RABGAP1L: variants seen among roughly 807,000 people sequenced by gnomAD.
RABGAP1L encodes the protein rab GTPase-activating protein 1-like.
A neutral mutation model predicts 137.7 loss-of-function variants in RABGAP1L; 63 were observed. The observed-to-expected ratio is 0.46, with a 90% CI of 0.37 to 0.56. RABGAP1L has a LOEUF of 0.56. Among genes scored for constraint, RABGAP1L ranks in the 20% least tolerant of loss-of-function variants. The pLI is 0.00. For synonymous variants in RABGAP1L, 431 were observed against 433.7 expected (o/e 0.99, Z 0.08); for missense variants, 1,095 against 1,244.0 (o/e 0.88, Z 1.80).
chr1:174,179,310 T>C (rs1430208956), intron 1 of RABGAP1L, among the ~76,000 whole-genome samples: 1 of 152,214 alleles, frequency 6.6e-6, no homozygotes, highest in Non-Finnish European at 1.5e-5. Context: ...AACTATAGTT[T>C]GTCAGTTAGT....
chr1:174,614,454 G>A (rs893925838), intron 13 of RABGAP1L, among the ~76,000 whole-genome samples: 1 of 152,198 alleles, frequency 6.6e-6, no homozygotes, highest in African/African-American at 2.4e-5. Context: ...TCTGCTGTTA[G>A]ACTGATGGGC....
At chr1:174,532,482 C>G (rs1664507125) in intron 13 of RABGAP1L, among the ~76,000 whole-genome samples, 1 of 152,148 alleles carries the variant, frequency 6.6e-6, no homozygotes, top group African/African-American at 2.4e-5. Context: ...GCTGGGATTA[C>G]AGGCATGAGC....
intron 19 of RABGAP1L, among the ~76,000 whole-genome samples, chr1:174,913,577 A>C (rs1405136977): frequency 6.6e-6 from 1 of 152,188 alleles, no homozygotes; most frequent in Non-Finnish European, 1.5e-5. Context: ...TGTAACTTCT[A>C]TAGTAGAGAA....
At chr1:174,614,751 A>G (rs1671633289) in intron 13 of RABGAP1L, among the ~76,000 whole-genome samples, 1 of 152,128 alleles carries the variant, frequency 6.6e-6, no homozygotes, top group African/African-American at 2.4e-5. Flanking sequence ...ACATAGTCCC[A>G]TATTTCTTGG....
intron 14 of RABGAP1L, among the ~76,000 whole-genome samples, chr1:174,656,484 G>T (rs1370415763): frequency 2.0e-5 from 3 of 152,092 alleles, no homozygotes; most frequent in South Asian, 4.1e-4. Context: ...TAGAATAAAT[G>T]TACAATTCAT....
At chr1:174,714,841 C>A (rs990427443) in intron 17 of RABGAP1L, among the ~76,000 whole-genome samples, 6 of 152,108 alleles carry the variant, frequency 3.9e-5, no homozygotes, top group African/African-American at 1.4e-4. Flanking sequence ...CCTAAAAGAT[C>A]TCTAAGTATT....
At chr1:174,402,059 GGACTGCCCCTCAGTA>G (rs1648659291) in intron 13 of RABGAP1L, among the ~76,000 whole-genome samples, 1 of 152,126 alleles carries the variant, frequency 6.6e-6, no homozygotes, top group Non-Finnish European at 1.5e-5. Flanking sequence ...CTCAATGCTA[GGACTGCCCCTCAGTA>G]GATGCTAAAC....
intron 10 of RABGAP1L, among the ~76,000 whole-genome samples, chr1:174,300,816 A>G (rs1373743052): frequency 6.6e-6 from 1 of 152,150 alleles, no homozygotes. Flanking sequence ...CAGTGAGCCA[A>G]GGTGGCGCCA....
At chr1:174,805,464 G>C (rs920692839) in intron 18 of RABGAP1L, among the ~76,000 whole-genome samples, 2 of 152,160 alleles carry the variant, frequency 1.3e-5, no homozygotes, top group Non-Finnish European at 2.9e-5. Flanking sequence ...TTGTGTAGTA[G>C]AGCCACTAAT....
chr1:174,589,405 C>T (rs1035012901), intron 13 of RABGAP1L, among the ~76,000 whole-genome samples: 3 of 152,104 alleles, frequency 2.0e-5, no homozygotes, highest in Non-Finnish European at 2.9e-5. Flanking sequence ...TAGATTATCT[C>T]TTCACTTCGT....
intron 13 of RABGAP1L, among the ~76,000 whole-genome samples, chr1:174,418,610 CTA>C (rs1314395903): frequency 3.3e-5 from 5 of 152,250 alleles, no homozygotes; most frequent in African/African-American, 1.2e-4. Flanking sequence ...TTTAAGGATT[CTA>C]TGATGCTTCA....
chr1:174,164,925 C>T (rs1238101576), intron 1 of RABGAP1L, among the ~76,000 whole-genome samples: 2 of 152,190 alleles, frequency 1.3e-5, no homozygotes, highest in African/African-American at 4.8e-5. Context: ...GGGCTCTGGA[C>T]TCAATCTGGA....
chr1:174,436,597 T>C (rs6699142), intron 13 of RABGAP1L, among the ~76,000 whole-genome samples: 53,511 of 152,008 alleles, frequency 0.35, 12,065 homozygotes, highest in African/African-American at 0.64. Flanking sequence ...TTCTCCCATT[T>C]TGTAGGTTGC....
At chr1:174,615,859 C>T (rs932659813) in intron 13 of RABGAP1L, among the ~76,000 whole-genome samples, 12 of 152,226 alleles carry the variant, frequency 7.9e-5, no homozygotes, top group Admixed American at 3.9e-4. Flanking sequence ...AGCGAGACTC[C>T]GTGGGTGTAG....
chr1:174,459,951 G>C (rs1296030512), intron 13 of RABGAP1L, among the ~76,000 whole-genome samples: 1 of 152,088 alleles, frequency 6.6e-6, no homozygotes, highest in Non-Finnish European at 1.5e-5. Flanking sequence ...CCATTAGTTT[G>C]ATTTTGAGAG....
intron 19 of RABGAP1L, among the ~76,000 whole-genome samples, chr1:174,956,201 T>G (rs1004244916): frequency 1.3e-5 from 2 of 152,130 alleles, no homozygotes; most frequent in African/African-American, 2.4e-5. Context: ...AAGAGAGTTT[T>G]TTTGTTTGTT....
chr1:174,747,402 T>TAAAAAAAAA (rs35889834), intron 17 of RABGAP1L, among the ~76,000 whole-genome samples: 1 of 81,904 alleles, frequency 1.2e-5, no homozygotes, highest in Non-Finnish European at 2.4e-5. Flanking sequence ...ATTCTATCTC[T>TAAAAAAAAA]AAAAAAAAAA....
chr1:174,312,272 A>G (rs1217220651), intron 11 of RABGAP1L, among the ~76,000 whole-genome samples: 1 of 152,144 alleles, frequency 6.6e-6, no homozygotes, highest in Non-Finnish European at 1.5e-5. Flanking sequence ...TGCCTTTTGG[A>G]TGTAAGCTAT....
chr1:174,276,066 T>C (rs1674971683), intron 9 of RABGAP1L, 131 bp downstream of exon 9: 3 of 618,874 alleles, frequency 4.8e-6, no homozygotes, highest in Non-Finnish European at 8.3e-6. Flanking sequence ...TTGAGGTTCA[T>C]TTTTATTCTT....
Sources: allele counts gnomAD v4.1 joint callset (sites outside exome capture counted in the v4.1 genomes callset), GRCh38; gene constraint gnomAD v4.1.1; transcripts MANE v1.5; gene names NCBI Gene and HGNC (gene_info 2026-07-23, HGNC 2026-07-21).